NEGR1: variants seen among roughly 807,000 people sequenced by gnomAD.
NEGR1 encodes IgLON family member 4.
NEGR1 carries 10 observed loss-of-function variants against 40.9 expected under a neutral mutation model. That is an observed-to-expected ratio of 0.24 (90% CI 0.15 to 0.42). The LOEUF (loss-of-function observed/expected upper bound fraction) is 0.42, where lower values mean the gene tolerates loss of function less well. NEGR1 is among the 10% of genes least tolerant of loss of function. The pLI, the probability that NEGR1 is intolerant of heterozygous loss-of-function variation, is 1.00. For synonymous variants in NEGR1, 185 were observed against 166.8 expected (o/e 1.11, Z -0.84); for missense variants, 352 against 438.9 (o/e 0.80, Z 1.77).
chr1:72,039,813 A>G (rs1240104460), intron 1 of NEGR1, among the ~76,000 whole-genome samples: 1 of 151,986 alleles, frequency 6.6e-6, no homozygotes, highest in African/African-American at 2.4e-5. Flanking sequence ...GGAATTTTTC[A>G]TGATCAGAGG....
chr1:72,035,037 G>A (rs1646890346), intron 1 of NEGR1, among the ~76,000 whole-genome samples: 1 of 152,020 alleles, frequency 6.6e-6, no homozygotes. Context: ...TTATGGCCAC[G>A]CCTGGTAGAG....
At chr1:72,261,603 T>C (rs1655457892) in intron 1 of NEGR1, among the ~76,000 whole-genome samples, 1 of 152,074 alleles carries the variant, frequency 6.6e-6, no homozygotes. Flanking sequence ...CAAATTGTGG[T>C]GTCCGGCACC....
rs778676186 is a variant in NEGR1, at chr1:71,401,279, C to T, written c.*6167G>A. 1 of 152,144 alleles carries T rather than the reference C, an allele frequency of 6.6e-6. No individual in the cohort carries two copies. The allele number at this position is 152,144 out of a possible 1,614,324, so 9.4% of individuals were successfully genotyped here. On this transcript the variant is annotated 3_prime_UTR_variant, in exon 7 of 7. Transcript: ENST00000357731. ...ATTCAATTGAATTCTCCTCCTCACT[C>T]TGGAAGCCAGTTTTGCCTCTATTAG...
At chr1:71,825,358 T>TC (rs1369317139) in intron 2 of NEGR1, among the ~76,000 whole-genome samples, 1 of 151,934 alleles carries the variant, frequency 6.6e-6, no homozygotes, top group Non-Finnish European at 1.5e-5. Flanking sequence ...TTACAACTCA[T>TC]CTGTGTAGTT....
chr1:71,676,151 T>C (rs1652626745), intron 4 of NEGR1, among the ~76,000 whole-genome samples: 1 of 152,150 alleles, frequency 6.6e-6, no homozygotes, highest in Non-Finnish European at 1.5e-5. Flanking sequence ...TTTTAATTAA[T>C]CTTATTTGGG....
intron 1 of NEGR1, among the ~76,000 whole-genome samples, chr1:71,975,800 A>C (rs550389598): frequency 1.3e-5 from 2 of 152,314 alleles, no homozygotes; most frequent in African/African-American, 4.8e-5. Context: ...TTTAGATAAA[A>C]TAGATAATCT....
At chr1:72,172,114 C>T (rs1651985558) in intron 1 of NEGR1, among the ~76,000 whole-genome samples, 1 of 151,996 alleles carries the variant, frequency 6.6e-6, no homozygotes, top group African/African-American at 2.4e-5. Flanking sequence ...ATGGAGAGGT[C>T]CAAGATGTAA....
chr1:71,418,816 C>T (rs1373926618), intron 6 of NEGR1, among the ~76,000 whole-genome samples: 1 of 152,114 alleles, frequency 6.6e-6, no homozygotes, highest in African/African-American at 2.4e-5. Flanking sequence ...ATTTTTTCAT[C>T]TTTCTTTTCC....
chr1:71,690,998 A>G (rs1653260568), intron 4 of NEGR1, among the ~76,000 whole-genome samples: 1 of 151,984 alleles, frequency 6.6e-6, no homozygotes, highest in Non-Finnish European at 1.5e-5. Flanking sequence ...CTACAGAAGC[A>G]TGTTGATGTT....
In NEGR1 at chr1:71,646,199, T is replaced by C. The variant is rs556145705; in HGVS notation, c.668-35053A>G. Among the ~76,000 whole-genome samples, 3 of 151,824 alleles carry C rather than the reference T, an allele frequency of 2.0e-5. No homozygotes were observed. In the South Asian group the frequency reaches 6.2e-4, roughly 31 times the overall value. ...GAATACACATATTGTTTTGTACATA[T>C]ATACACATACATATACATAAACACA... On this transcript the variant is annotated intron_variant, in intron 4 of 6. Transcript: ENST00000357731.
At chr1:72,179,874 G>A (rs1305984949) in intron 1 of NEGR1, among the ~76,000 whole-genome samples, 2 of 151,676 alleles carry the variant, frequency 1.3e-5, no homozygotes, top group South Asian at 2.1e-4. Flanking sequence ...ATTGATGAAA[G>A]ACATAGAAGA....
intron 2 of NEGR1, among the ~76,000 whole-genome samples, chr1:71,804,515 A>C (rs2101752312): frequency 6.6e-6 from 1 of 152,330 alleles, no homozygotes; most frequent in Non-Finnish European, 1.5e-5. Flanking sequence ...GAAGAACATA[A>C]ATTGTGAAGA....
intron 3 of NEGR1, among the ~76,000 whole-genome samples, chr1:71,721,159 G>C (rs1286345333): frequency 6.6e-6 from 1 of 152,066 alleles, no homozygotes; most frequent in Non-Finnish European, 1.5e-5. Flanking sequence ...CTTAACACTT[G>C]CTTGGCCACC....
At chr1:71,546,310 T>C (rs1647894066) in intron 6 of NEGR1, among the ~76,000 whole-genome samples, 1 of 151,700 alleles carries the variant, frequency 6.6e-6, no homozygotes. Flanking sequence ...TTAATGCATT[T>C]ATCTATTCAA....
intron 1 of NEGR1, among the ~76,000 whole-genome samples, chr1:72,144,994 C>T (rs1196042835): frequency 6.6e-6 from 1 of 152,068 alleles, no homozygotes; most frequent in African/African-American, 2.4e-5. Flanking sequence ...GTACTTGCAA[C>T]AGAAACCCTT....
chr1:72,125,636 T>A (rs1416291265), intron 1 of NEGR1, among the ~76,000 whole-genome samples: 1 of 152,094 alleles, frequency 6.6e-6, no homozygotes, highest in Non-Finnish European at 1.5e-5. Context: ...GCACAGATAG[T>A]GTATTAAATG....
At chr1:72,248,485 T>C (rs991859750) in intron 1 of NEGR1, among the ~76,000 whole-genome samples, 8 of 151,782 alleles carry the variant, frequency 5.3e-5, no homozygotes, top group African/African-American at 1.9e-4. Flanking sequence ...CCCGATCTCC[T>C]GACCTCAGGT....
At chr1:71,909,471 A>AC (rs141427149) in intron 2 of NEGR1, among the ~76,000 whole-genome samples, 2,376 of 152,288 alleles carry the variant, frequency 0.016, 46 homozygotes, top group South Asian at 0.1. Context: ...ATCTCAGCAA[A>AC]CACTTCTAAA....
At chr1:71,411,436 T>C (rs1002063173) in intron 6 of NEGR1, among the ~76,000 whole-genome samples, 3 of 152,294 alleles carry the variant, frequency 2.0e-5, no homozygotes, top group Middle Eastern at 3.4e-3. Flanking sequence ...AAGCCTGAAT[T>C]ACTTAGAAGA....
Sources: allele counts gnomAD v4.1 joint callset (sites outside exome capture counted in the v4.1 genomes callset), GRCh38; gene constraint gnomAD v4.1.1; transcripts MANE v1.5; gene names NCBI Gene and HGNC (gene_info 2026-07-23, HGNC 2026-07-21).